The following RPS6KA2 variants were observed in gnomAD, a reference collection of about 807,000 sequenced individuals.
The protein encoded by RPS6KA2 is ribosomal protein S6 kinase alpha-2.
RPS6KA2 carries 42 observed loss-of-function variants against 91.8 expected under a neutral mutation model. That is an observed-to-expected ratio of 0.46 (90% CI 0.36 to 0.59). The LOEUF is 0.59. Ranked by LOEUF, RPS6KA2 falls within the 20% of genes least tolerant of loss-of-function variation. The pLI is 0.00. For synonymous variants in RPS6KA2, 414 were observed against 393.6 expected, an observed-to-expected ratio of 1.05 and a Z score of -0.61; for missense variants, 798 against 978.5, an observed-to-expected ratio of 0.82 and a Z score of 2.46.
At chr6:166,792,083 G>C (rs1779105256) in intron 2 of RPS6KA2, among the ~76,000 whole-genome samples, 1 of 152,010 alleles carries the variant, frequency 6.6e-6, no homozygotes, top group Admixed American at 6.5e-5. Context: ...TCTGGGAGCT[G>C]GTTTCTTGAA....
At position 166,539,424 on chromosome 6, in the gene RPS6KA2, C is replaced by T. The variant is rs573561110; in HGVS notation, c.100-640G>A. 5.9e-5 allele frequency among the ~76,000 whole-genome samples: 9 copies of T among 152,296 alleles called. No individual in the cohort carries two copies. The East Asian group carries it at 1.5e-3, about 26-fold the overall frequency. On this transcript the variant is annotated intron_variant, in intron 1 of 20. Transcript: ENST00000265678. The stretch of plus-strand genomic sequence containing the variant: ...TACGATGAATATAGCAACTATGGAA[C>T]AAAATGACAGCAAAAGCATATTGAC...
At chr6:166,572,529 T>C (rs1784720035) in intron 1 of RPS6KA2, among the ~76,000 whole-genome samples, 1 of 152,270 alleles carries the variant, frequency 6.6e-6, no homozygotes, top group African/African-American at 2.4e-5. Context: ...GTAACCCTCC[T>C]GAGGACTCTA....
chr6:166,491,967 GTGTATT>G (rs1406495250), intron 8 of RPS6KA2, among the ~76,000 whole-genome samples: 6 of 152,154 alleles, frequency 3.9e-5, no homozygotes. Flanking sequence ...TGTATAGTGA[GTGTATT>G]TGTTGCTGTA....
intron 2 of RPS6KA2, among the ~76,000 whole-genome samples, chr6:166,786,977 C>G (rs1325148024): frequency 6.6e-6 from 1 of 152,116 alleles, no homozygotes; most frequent in Non-Finnish European, 1.5e-5. Context: ...CCTTCCCAAC[C>G]AGGAATTCTG....
chr6:166,683,465 A>G (rs527288222), intron 2 of RPS6KA2, among the ~76,000 whole-genome samples: 8 of 152,346 alleles, frequency 5.3e-5, no homozygotes, highest in African/African-American at 1.9e-4. Context: ...TATGTTTTTA[A>G]AGTATCTCAT....
At chr6:166,683,200 C>T (rs145965376) in intron 2 of RPS6KA2, among the ~76,000 whole-genome samples, 3 of 152,322 alleles carry the variant, frequency 2.0e-5, no homozygotes, top group East Asian at 1.9e-4. Flanking sequence ...TGCATTTCCA[C>T]GACAACTCAT....
intron 2 of RPS6KA2, among the ~76,000 whole-genome samples, chr6:166,751,572 G>A (rs1009281640): frequency 3.3e-5 from 5 of 152,260 alleles, no homozygotes; most frequent in African/African-American, 1.2e-4. Flanking sequence ...GCTGGCCTAG[G>A]TGTCTGGAAC....
intron 2 of RPS6KA2, among the ~76,000 whole-genome samples, chr6:166,636,953 C>T (rs189148978): frequency 1.7e-4 from 26 of 152,328 alleles, no homozygotes; most frequent in African/African-American, 3.6e-4. Context: ...GACACTGCTC[C>T]GGTCTCTGAG....
At chr6:166,505,624 G>T (rs186751953) in intron 5 of RPS6KA2, among the ~76,000 whole-genome samples, 1 of 152,236 alleles carries the variant, frequency 6.6e-6, no homozygotes, top group Non-Finnish European at 1.5e-5. Context: ...GCAGCCAGGG[G>T]ACCTGAACGG....
chr6:166,738,419 G>A (rs1275101351), intron 2 of RPS6KA2, among the ~76,000 whole-genome samples: 2 of 152,192 alleles, frequency 1.3e-5, no homozygotes, highest in African/African-American at 4.8e-5. Flanking sequence ...CTAAGGCCAA[G>A]AGCAGAGACC....
chr6:166,451,332 C>CCTGT, intron 12 of RPS6KA2, 99 bp from the exon 13 acceptor site: 1 of 870,026 alleles, frequency 1.1e-6, no homozygotes. Context: ...TGTGCAAGTC[C>CCTGT]GTGTGTGTGT....
intron 2 of RPS6KA2, among the ~76,000 whole-genome samples, chr6:166,718,022 T>C (rs1360972209): frequency 2.6e-5 from 4 of 152,156 alleles, no homozygotes; most frequent in Admixed American, 2.6e-4. Flanking sequence ...CTAATTTTTG[T>C]ATTTTTAGTA....
chr6:166,595,122 G>A (rs1240774485), intron 1 of RPS6KA2, among the ~76,000 whole-genome samples: 1 of 151,878 alleles, frequency 6.6e-6, no homozygotes, highest in African/African-American at 2.4e-5. Context: ...CAGGATCTCA[G>A]CTCACTGCAA....
intron 2 of RPS6KA2, among the ~76,000 whole-genome samples, chr6:166,711,645 G>C (rs9459726): frequency 0.021 from 3,223 of 152,000 alleles, 116 homozygotes; most frequent in African/African-American, 0.074. Flanking sequence ...GCTGAGTCGA[G>C]GGAACAAAGG....
At chr6:166,540,708 G>T (rs1783626419) in intron 1 of RPS6KA2, among the ~76,000 whole-genome samples, 1 of 152,078 alleles carries the variant, frequency 6.6e-6, no homozygotes, top group South Asian at 2.1e-4. Context: ...AGAATTGCAG[G>T]ACCATGCTAG....
At position 166,495,270 on chromosome 6, in the gene RPS6KA2, C is replaced by T. The variant is rs374863138; in HGVS notation, c.747+3238G>A. Reference sequence around the variant, plus strand: ...AGGCAGCCTTAGCTTGTGGTCACCACGGCAACAGCCAGCCCTGCCTCGGGC... The same window carrying T: ...AGGCAGCCTTAGCTTGTGGTCACCATGGCAACAGCCAGCCCTGCCTCGGGC... On this transcript the variant is annotated intron_variant, in intron 8 of 20. Coordinates refer to ENST00000265678, the MANE Select transcript of RPS6KA2 (RefSeq NM_021135.6). This position sits in a 1 kb window ranked among gnomAD's most constrained non-coding sequence, Gnocchi z 4.4. 6.2e-4 allele frequency among the ~76,000 whole-genome samples: 94 copies of T among 152,128 alleles called. 1 individual carries two copies. In the South Asian group the frequency reaches 0.019, roughly 31 times the overall value.
In RPS6KA2 at chr6:166,495,323, C is replaced by T. The variant is rs1016920858; in HGVS notation, c.747+3185G>A. On this transcript the variant is annotated intron_variant, in intron 8 of 20. Transcript: ENST00000265678. The surrounding 1 kb of genome is among the most constrained non-coding windows in gnomAD (Gnocchi z 4.4). Reference sequence around the variant, plus strand: ...GAGAGTGACACAGCAGTTCTGGAGCCGGACCCCTTCCCCAGCTGTCACGAG... The same window carrying T: ...GAGAGTGACACAGCAGTTCTGGAGCTGGACCCCTTCCCCAGCTGTCACGAG... Among the ~76,000 whole-genome samples, 2 of 152,144 alleles carry T rather than the reference C, an allele frequency of 1.3e-5. No individual in the cohort carries two copies. The highest frequency in any genetic ancestry group is 6.5e-5 in the Admixed American group (1 of 15,274).
intron 2 of RPS6KA2, among the ~76,000 whole-genome samples, chr6:166,712,876 T>C (rs1789904928): frequency 6.6e-6 from 1 of 152,244 alleles, no homozygotes; most frequent in Non-Finnish European, 1.5e-5. Flanking sequence ...TCCTTAGTGC[T>C]ACTTGCTCAA....
chr6:166,498,613 CTT>C lies in RPS6KA2; in HGVS notation c.640_641del (p.Lys214GlufsTer37), dbSNP rs1321281190. Reference sequence around the variant, plus strand: ...TCGTCCCGCAGAAGGAGTACGCTCTCTTGTCGTGGTCAATGGCCTCCTTACTC... The same window carrying C: ...TCGTCCCGCAGAAGGAGTACGCTCTCGTCGTGGTCAATGGCCTCCTTACTC... Reference protein sequence around the residue: ...GLSKEAIDHDKRAYSFCGTIE... With the variant: ...GLSKEAIDHDXRAYSFCGTIE... On this transcript the variant is annotated frameshift_variant, in exon 8 of 21. Coordinates refer to ENST00000265678, the MANE Select transcript of RPS6KA2 (RefSeq NM_021135.6). LOFTEE classifies it high-confidence loss of function. 1.2e-6 allele frequency: 2 copies of C among 1,614,000 alleles called. No individual in the cohort carries two copies. Among genetic ancestry groups the C allele is most frequent in the Admixed American group, 1.7e-5 (1 of 60,002 alleles).
Sources: allele counts gnomAD v4.1 joint callset (sites outside exome capture counted in the v4.1 genomes callset), GRCh38; gene constraint gnomAD v4.1.1; non-coding constraint Gnocchi (gnomAD v3.1); transcripts MANE v1.5; gene names NCBI Gene and HGNC (gene_info 2026-07-23, HGNC 2026-07-21).